P2RY12: variants seen among roughly 807,000 people sequenced by gnomAD.
P2RY12 encodes the protein P2Y purinoceptor 12.
In P2RY12, 3 loss-of-function variants were observed where a neutral mutation model predicts 4.5. The observed-to-expected ratio is 0.67, with a 90% CI of 0.31 to 1.74. The LOEUF is 1.74. Ranked by LOEUF, P2RY12 falls within the 40% of genes most tolerant of loss-of-function variation. The pLI, the probability that P2RY12 is intolerant of heterozygous loss-of-function variation, is 0.09. For missense variants in P2RY12, 356 were observed against 407.8 expected (o/e 0.87, Z 1.09); for synonymous variants, 148 against 154.1 (o/e 0.96, Z 0.29).
rs367800398 is a variant in P2RY12, at chr3:151,372,561, A to G, written c.-180+12131T>C. The G allele has an allele frequency of 3.7e-6, 6 of 1,611,886 alleles. No homozygotes were observed. Among genetic ancestry groups the G allele is most frequent in the Admixed American group, 1.7e-5 (1 of 59,994 alleles). ...GTGATTTTGCTTTTGTGATTCTATT[A>G]CTTAGGAGATGCCAAAATTGGCAAT... On this transcript the variant is annotated intron_variant, in intron 1 of 2. Transcript: ENST00000302632.
intron 2 of P2RY12, 121 bp from the exon 3 acceptor site, chr3:151,338,980 G>A: frequency 1.3e-6 from 1 of 795,648 alleles, no homozygotes; most frequent in Non-Finnish European, 2.1e-6. Context: ...CATCTTCATT[G>A]TAGTAGTTAG....
At chr3:151,370,281 T>C (rs139570552) in intron 1 of P2RY12, among the ~76,000 whole-genome samples, 8 of 152,316 alleles carry the variant, frequency 5.3e-5, no homozygotes, top group African/African-American at 1.9e-4. Flanking sequence ...ATTCCAACTT[T>C]GGGTACCTTC....
chr3:151,338,882 G>T (rs1751411440), intron 2 of P2RY12, 23 bp from the exon 3 acceptor site: 2 of 1,596,884 alleles, frequency 1.3e-6, no homozygotes, highest in African/African-American at 1.3e-5. Context: ...AGAGAGGATG[G>T]TTATTTTCAG....
intron 1 of P2RY12, among the ~76,000 whole-genome samples, chr3:151,356,686 A>G (rs1753965143): frequency 6.6e-6 from 1 of 152,000 alleles, no homozygotes; most frequent in African/African-American, 2.4e-5. Flanking sequence ...AGCAAAGATG[A>G]AAGTTTATTT....
chr3:151,345,370 C>T (rs1007153477), intron 1 of P2RY12, among the ~76,000 whole-genome samples: 1 of 152,098 alleles, frequency 6.6e-6, no homozygotes, highest in African/African-American at 2.4e-5. Flanking sequence ...AACTGTGCAA[C>T]TTGAGGGCGT....
Position 151,354,710 on chromosome 3 carries a change from C to G in P2RY12, c.-179-13950G>C, listed in dbSNP as rs370402849. ...GGTGGTACAGTAACACATTGGAATA[C>G]TGTAAATAAGTGAGAATTATTAGTT... On this transcript the variant is annotated intron_variant, in intron 1 of 2. Coordinates refer to ENST00000302632, the MANE Select transcript of P2RY12 (RefSeq NM_022788.5). 1.4e-4 allele frequency among the ~76,000 whole-genome samples: 22 copies of G among 152,266 alleles called. No individual in the cohort carries two copies. The South Asian group carries it at 3.5e-3, about 24-fold the overall frequency.
At chr3:151,373,360 C>T (rs1204490591) in intron 1 of P2RY12, among the ~76,000 whole-genome samples, 1 of 152,066 alleles carries the variant, frequency 6.6e-6, no homozygotes, top group Non-Finnish European at 1.5e-5. Flanking sequence ...AAGATGTTTC[C>T]ATTGTATAGT....
intron 1 of P2RY12, chr3:151,372,688 C>A (rs147695554): frequency 1.2e-5 from 20 of 1,613,802 alleles, no homozygotes; most frequent in Non-Finnish European, 1.7e-5. Flanking sequence ...ATCCAAAATC[C>A]TGTGGGAAAA....
intron 1 of P2RY12, chr3:151,382,576 T>G (rs192197290): frequency 9.0e-5 from 78 of 867,078 alleles, no homozygotes; most frequent in Admixed American, 7.3e-4. Context: ...AGTGGTTTTT[T>G]GCTATCAGTA....
At chr3:151,361,750 A>G (rs944275702) in intron 1 of P2RY12, among the ~76,000 whole-genome samples, 14 of 152,116 alleles carry the variant, frequency 9.2e-5, no homozygotes, top group African/African-American at 3.4e-4. Context: ...CCCCACTCAG[A>G]ACATTCTTTC....
At chr3:151,364,913 G>A (rs1173375757) in intron 1 of P2RY12, 4 of 1,144,374 alleles carry the variant, frequency 3.5e-6, no homozygotes, top group Non-Finnish European at 5.3e-6. Flanking sequence ...ATGTCCTTAA[G>A]TGAAATAGTT....
intron 1 of P2RY12, chr3:151,369,438 A>C (rs755082471): frequency 1.3e-6 from 2 of 1,598,948 alleles, no homozygotes; most frequent in Non-Finnish European, 1.7e-6. Context: ...TTTTGTAGGC[A>C]AACCTTTCCC....
intron 1 of P2RY12, among the ~76,000 whole-genome samples, chr3:151,359,467 T>C (rs1409821986): frequency 6.6e-6 from 1 of 152,142 alleles, no homozygotes; most frequent in Non-Finnish European, 1.5e-5. Context: ...GTTCCACCTA[T>C]GGTACCTGTG....
intron 1 of P2RY12, among the ~76,000 whole-genome samples, chr3:151,357,030 C>A (rs1246361647): frequency 6.6e-6 from 1 of 151,970 alleles, no homozygotes; most frequent in African/African-American, 2.4e-5. Context: ...TTGTATACAT[C>A]CTGATGTCTA....
intron 1 of P2RY12, chr3:151,360,433 AC>A: frequency 4.4e-6 from 7 of 1,589,990 alleles, no homozygotes; most frequent in Non-Finnish European, 5.2e-6. Flanking sequence ...CCCACATAGT[AC>A]AAATCTATGT....
At position 151,361,910 on chromosome 3, in the gene P2RY12, G is replaced by A. The variant is rs143953725; in HGVS notation, c.-179-21150C>T. 2.0e-3 allele frequency among the ~76,000 whole-genome samples: 307 copies of A among 152,238 alleles called. 2 individuals are homozygous for A. The highest frequency in any genetic ancestry group is 6.1e-3 in the African/African-American group (254 of 41,554). ...GCAGCACTAGGGCTGGAAAGTAAATGCTTATTTAATGTTATTTTGAGGACA... is the reference window on the plus strand; with the variant it reads ...GCAGCACTAGGGCTGGAAAGTAAATACTTATTTAATGTTATTTTGAGGACA... On this transcript the variant is annotated intron_variant, in intron 1 of 2. Coordinates refer to ENST00000302632, the MANE Select transcript of P2RY12 (RefSeq NM_022788.5).
intron 1 of P2RY12, chr3:151,355,007 T>C: frequency 2.7e-6 from 2 of 749,416 alleles, no homozygotes; most frequent in African/African-American, 1.8e-5. Flanking sequence ...TTGAAATTCA[T>C]AGAATTTGTG....
chr3:151,350,310 C>T (rs1194947988), intron 1 of P2RY12: 21 of 1,104,372 alleles, frequency 1.9e-5, no homozygotes, highest in African/African-American at 3.2e-5. Flanking sequence ...AGAGCGTTTC[C>T]CCTCCTGAAT....
At chr3:151,355,951 A>G in intron 1 of P2RY12, 2 of 1,614,066 alleles carry the variant, frequency 1.2e-6, no homozygotes, top group East Asian at 2.2e-5. Context: ...ACATCCTATC[A>G]TCTCCCTTTG....
Sources: allele counts gnomAD v4.1 joint callset (sites outside exome capture counted in the v4.1 genomes callset), GRCh38; gene constraint gnomAD v4.1.1; transcripts MANE v1.5; gene names NCBI Gene and HGNC (gene_info 2026-07-23, HGNC 2026-07-21).